ROBO1: variants seen among roughly 807,000 people sequenced by gnomAD.
ROBO1 encodes roundabout guidance receptor 1.
In ROBO1, 149 loss-of-function variants were observed where a neutral mutation model predicts 195.9. That is an observed-to-expected ratio of 0.76 (90% CI 0.67 to 0.87). The LOEUF (loss-of-function observed/expected upper bound fraction) is 0.87, where lower values mean the gene tolerates loss of function less well. Among genes scored for constraint, ROBO1 ranks in the 40% least tolerant of loss-of-function variants. The pLI is 0.00. For missense variants in ROBO1, 1,933 were observed against 2,068.3 expected (o/e 0.93, Z 1.27); for synonymous variants, 816 against 733.2 (o/e 1.11, Z -1.82).
intron 2 of ROBO1, among the ~76,000 whole-genome samples, chr3:79,415,683 TAGAG>T (rs1180162402): frequency 1.3e-5 from 2 of 152,104 alleles, no homozygotes; most frequent in African/African-American, 2.4e-5. Flanking sequence ...CTTCTTTCAA[TAGAG>T]AGAATAAGTT....
chr3:79,041,233 T>G (rs906381746), intron 3 of ROBO1, among the ~76,000 whole-genome samples: 10 of 152,330 alleles, frequency 6.6e-5, no homozygotes, highest in Admixed American at 6.5e-4. Flanking sequence ...CATACTTCCC[T>G]ATTGCTTTCT....
At chr3:78,644,195 G>C (rs575293860) in intron 21 of ROBO1, among the ~76,000 whole-genome samples, 1 of 152,080 alleles carries the variant, frequency 6.6e-6, no homozygotes, top group Non-Finnish European at 1.5e-5. Flanking sequence ...CCTTCGTAAA[G>C]CATCCTTATT....
intron 2 of ROBO1, among the ~76,000 whole-genome samples, chr3:79,137,511 G>T (rs1002886051): frequency 6.6e-6 from 1 of 151,990 alleles, no homozygotes; most frequent in Non-Finnish European, 1.5e-5. Flanking sequence ...AACCTGCACT[G>T]ATTATAATCA....
At chr3:79,273,596 G>A (rs866160120) in intron 2 of ROBO1, among the ~76,000 whole-genome samples, 8 of 151,832 alleles carry the variant, frequency 5.3e-5, no homozygotes, top group African/African-American at 1.9e-4. Flanking sequence ...AGAAAGGAAT[G>A]AAAGAAGAGA....
intron 2 of ROBO1, among the ~76,000 whole-genome samples, chr3:79,475,400 T>G (rs953395249): frequency 1.3e-5 from 2 of 152,130 alleles, no homozygotes; most frequent in Admixed American, 1.3e-4. Flanking sequence ...TTGAATACTT[T>G]GTTTATTAAA....
At chr3:78,613,555 C>T (rs552900584) in intron 28 of ROBO1, among the ~76,000 whole-genome samples, 20 of 152,236 alleles carry the variant, frequency 1.3e-4, no homozygotes, top group South Asian at 2.1e-4. Context: ...CGCTGTGTCA[C>T]GCCAGTATTT....
At chr3:79,041,897 A>G (rs2078493546) in intron 3 of ROBO1, among the ~76,000 whole-genome samples, 1 of 152,218 alleles carries the variant, frequency 6.6e-6, no homozygotes, top group Non-Finnish European at 1.5e-5. Flanking sequence ...AAAGAAAGAC[A>G]TAATTTTGCT....
intron 3 of ROBO1, among the ~76,000 whole-genome samples, chr3:79,082,550 G>T (rs897502560): frequency 1.3e-5 from 2 of 152,160 alleles, no homozygotes; most frequent in Non-Finnish European, 2.9e-5. Flanking sequence ...GTGGATTAAT[G>T]AAGTGAGATA....
At chr3:78,779,861 C>T (rs1357173032) in intron 4 of ROBO1, among the ~76,000 whole-genome samples, 1 of 152,114 alleles carries the variant, frequency 6.6e-6, no homozygotes, top group African/African-American at 2.4e-5. Context: ...AACCCAGATG[C>T]CCATCAATGA....
intron 4 of ROBO1, among the ~76,000 whole-genome samples, chr3:78,908,331 T>C (rs1364738082): frequency 6.6e-6 from 1 of 151,914 alleles, no homozygotes; most frequent in Non-Finnish European, 1.5e-5. Context: ...TTTCCCACTA[T>C]ATCTGGTGAC....
At chr3:79,018,221 G>A (rs1031714645) in intron 3 of ROBO1, among the ~76,000 whole-genome samples, 7 of 152,174 alleles carry the variant, frequency 4.6e-5, no homozygotes, top group Non-Finnish European at 8.8e-5. Flanking sequence ...GTTTTGGGGA[G>A]TGGGGAAAAA....
chr3:79,703,511 A>T (rs1286133468), intron 1 of ROBO1, among the ~76,000 whole-genome samples: 1 of 151,852 alleles, frequency 6.6e-6, no homozygotes, highest in Non-Finnish European at 1.5e-5. Flanking sequence ...AATATGAAAC[A>T]TTATTTAAGA....
At chr3:78,649,703 G>C (rs966132436) in intron 19 of ROBO1, among the ~76,000 whole-genome samples, 1 of 152,138 alleles carries the variant, frequency 6.6e-6, no homozygotes, top group Non-Finnish European at 1.5e-5. Flanking sequence ...ACAGGACAAA[G>C]TGAAGAAAGC....
intron 2 of ROBO1, among the ~76,000 whole-genome samples, chr3:79,367,912 A>ATGAG (rs2036037297): frequency 6.6e-6 from 1 of 152,180 alleles, no homozygotes; most frequent in Admixed American, 6.5e-5. Context: ...GAGTGAATGA[A>ATGAG]TGAGTGATGA....
chr3:79,122,189 T>A (rs754406353), intron 3 of ROBO1, among the ~76,000 whole-genome samples: 30 of 152,056 alleles, frequency 2.0e-4, no homozygotes, highest in Non-Finnish European at 4.1e-4. Flanking sequence ...CTCTTCTTAC[T>A]TGTTCTTGCA....
chr3:79,144,825 G>A (rs146850514), intron 2 of ROBO1, among the ~76,000 whole-genome samples: 2 of 151,922 alleles, frequency 1.3e-5, no homozygotes, highest in East Asian at 1.9e-4. Context: ...TCCATCAGAC[G>A]GAAATCTGTT....
chr3:79,677,355 G>T (rs1946813726), intron 1 of ROBO1, among the ~76,000 whole-genome samples: 1 of 151,962 alleles, frequency 6.6e-6, no homozygotes, highest in Admixed American at 6.6e-5. Context: ...AAAGAAAGAG[G>T]TTTAATAGAG....
chr3:79,504,247 C>T (rs1010205176), intron 2 of ROBO1, among the ~76,000 whole-genome samples: 5 of 151,986 alleles, frequency 3.3e-5, no homozygotes, highest in African/African-American at 9.7e-5. Flanking sequence ...TTTTTATTAT[C>T]TTCAAGGCAT....
chr3:78,968,834 A>G (rs577956391), intron 3 of ROBO1, among the ~76,000 whole-genome samples: 1 of 152,336 alleles, frequency 6.6e-6, no homozygotes, highest in South Asian at 2.1e-4. Context: ...ACATTTCATT[A>G]CTGGTAAGGT....
Sources: gnomAD v4.1 joint callset for allele counts (sites outside exome capture counted in the v4.1 genomes callset) on GRCh38, gnomAD v4.1.1 for gene constraint, MANE v1.5 for transcripts, NCBI Gene and HGNC (gene_info 2026-07-23, HGNC 2026-07-21) for gene names.